The following ETAA1 variants were observed in gnomAD, a reference collection of about 807,000 sequenced individuals.
ETAA1 encodes ewing's tumor-associated antigen 1.
ETAA1 carries 49 observed loss-of-function variants against 76.8 expected under a neutral mutation model. The observed-to-expected ratio is 0.64, with a 90% confidence interval of 0.51 to 0.81. ETAA1 has a LOEUF of 0.81. Ranked by LOEUF, ETAA1 falls within the 30% of genes least tolerant of loss-of-function variation. ETAA1 has a pLI of 0.00. For missense variants in ETAA1, 1,099 were observed against 1,074.0 expected (o/e 1.02, Z -0.32); for synonymous variants, 373 against 372.2 (o/e 1.00, Z -0.03).
At position 67,403,442 on chromosome 2, in the gene ETAA1, C is replaced by T; in HGVS notation, c.760C>T (p.Pro254Ser). 1 of 1,612,610 alleles carries T rather than the reference C, an allele frequency of 6.2e-7. No homozygotes were observed. Among genetic ancestry groups the T allele is most frequent in the Non-Finnish European group, 8.5e-7 (1 of 1,178,966 alleles). The part of the protein sequence containing the change: ...VPEIDNATKK[P>S]IKGNTKISVA... Reference sequence around the variant, plus strand: ...CGAAATAGATAATGCTACAAAAAAGCCAATCAAAGGAAACACCAAGATATC... The same window carrying T: ...CGAAATAGATAATGCTACAAAAAAGTCAATCAAAGGAAACACCAAGATATC... Residue 254 changes from proline to serine, a missense_variant, in exon 5 of 6, where the codon CCA becomes TCA. Pro to Ser is a moderately conservative substitution (Grantham distance 74). Around this residue, in one of 3 missense-constraint regions of ETAA1, gnomAD observed 761 missense variants for 731.9 expected, o/e 1.04. Coordinates refer to ENST00000272342, the MANE Select transcript of ETAA1 (RefSeq NM_019002.4).
In ETAA1 at chr2:67,397,513, C is replaced by T. The variant is rs1675905401; in HGVS notation, c.65C>T (p.Ala22Val). 3 of 1,599,184 alleles carry T rather than the reference C, an allele frequency of 1.9e-6. No homozygotes were observed. The highest frequency in any genetic ancestry group is 2.6e-6 in the Non-Finnish European group (3 of 1,172,924). The change falls in exon 1 of 6, where the codon GCG (alanine) becomes GTG (valine). Residue 22 changes from alanine (A) to valine (V), a missense_variant. Coordinates refer to ENST00000272342, the MANE Select transcript of ETAA1 (RefSeq NM_019002.4). Reference protein sequence around the residue: ...SPKKTPHKTVAAEECGSVVEP... With the variant: ...SPKKTPHKTVVAEECGSVVEP... Reference sequence around the variant, plus strand: ...AAGAAAACGCCGCACAAAACAGTGGCGGCGGAGGAATGCGGCTCGGTGGTC... The same window carrying T: ...AAGAAAACGCCGCACAAAACAGTGGTGGCGGAGGAATGCGGCTCGGTGGTC...
chr2:67,409,681 G>A (rs1490295074), intron 5 of ETAA1, among the ~76,000 whole-genome samples: 2 of 151,944 alleles, frequency 1.3e-5, no homozygotes, highest in African/African-American at 4.8e-5. Flanking sequence ...TTATCACACT[G>A]TGAAAAGAAT....
At chr2:67,397,700 G>C (rs1297698214) in intron 1 of ETAA1, 29 bp downstream of exon 1, 36 of 1,539,694 alleles carry the variant, frequency 2.3e-5, no homozygotes, top group Non-Finnish European at 2.9e-5. Flanking sequence ...GGCCTGCCTT[G>C]GCTTCGGCGC....
At chr2:67,408,065 A>C (rs943743051) in intron 5 of ETAA1, among the ~76,000 whole-genome samples, 2 of 152,120 alleles carry the variant, frequency 1.3e-5, no homozygotes, top group Admixed American at 6.6e-5. Context: ...TTACCTTATC[A>C]ATATTTTCTT....
intron 1 of ETAA1, 31 bp downstream of exon 1, chr2:67,397,702 C>G (rs2103736085): frequency 6.5e-7 from 1 of 1,537,778 alleles, no homozygotes; most frequent in East Asian, 2.4e-5. Flanking sequence ...CCTGCCTTGG[C>G]TTCGGCGCCG....
intron 5 of ETAA1, among the ~76,000 whole-genome samples, chr2:67,406,136 A>C (rs1676213070): frequency 6.6e-6 from 1 of 152,132 alleles, no homozygotes; most frequent in Non-Finnish European, 1.5e-5. Flanking sequence ...CAAACTGTAT[A>C]CTGTGACCAA....
intron 3 of ETAA1, among the ~76,000 whole-genome samples, chr2:67,399,839 T>C (rs183761046): frequency 1.3e-5 from 2 of 152,288 alleles, no homozygotes; most frequent in South Asian, 2.1e-4. Context: ...CTTAAGTATA[T>C]ATCTTGTTTT....
intron 1 of ETAA1, among the ~76,000 whole-genome samples, chr2:67,397,992 G>T (rs1001580768): frequency 2.0e-5 from 3 of 152,198 alleles, no homozygotes; most frequent in Non-Finnish European, 4.4e-5. Flanking sequence ...AGAAGAAACA[G>T]CTGATAGGCC....
chr2:67,405,930 C>T (rs946523116), intron 5 of ETAA1, among the ~76,000 whole-genome samples: 36 of 152,094 alleles, frequency 2.4e-4, no homozygotes, highest in African/African-American at 8.7e-4. Flanking sequence ...TTTCAAAAAC[C>T]GTATCCCCAG....
chr2:67,410,138 A>ACTT lies in ETAA1; in HGVS notation c.*101_*103dup. On this transcript the variant is annotated 3_prime_UTR_variant, in exon 6 of 6. Coordinates refer to ENST00000272342, the MANE Select transcript of ETAA1 (RefSeq NM_019002.4). ...TTTCTCTGTGAGAAATGTAATGCTGACTTTTATAAAGCCTGGACTTCTACT... is the reference window on the plus strand; with the variant it reads ...TTTCTCTGTGAGAAATGTAATGCTGACTTCTTTTATAAAGCCTGGACTTCTACT... 1 of 1,078,302 alleles carries ACTT rather than the reference A, an allele frequency of 9.3e-7. No homozygotes were observed. Among genetic ancestry groups the ACTT allele is most frequent in the Non-Finnish European group, 1.4e-6 (1 of 734,188 alleles). 66.8% of individuals were successfully genotyped at this position (1,078,302 alleles called of 1,614,324 possible). A position where few individuals can be genotyped will look rare whatever the true frequency, so the allele number is the denominator to read the frequency against.
chr2:67,399,238 A>T lies in ETAA1; in HGVS notation c.293A>T (p.Asp98Val). The T allele has an allele frequency of 1.2e-6, 2 of 1,613,580 alleles. No individual in the cohort carries two copies. Among genetic ancestry groups the T allele is most frequent in the Non-Finnish European group, 1.7e-6 (2 of 1,179,630 alleles). Residue 98 changes from aspartate (D) to valine (V), a missense_variant, in exon 2 of 6, where the codon GAT becomes GTT. Around this residue, in one of 3 missense-constraint regions of ETAA1, gnomAD observed 761 missense variants for 731.9 expected, o/e 1.04. Transcript: ENST00000272342. ...SLSSSFSSPN[D>V]PDGQNDIFWD... ...TCATCTTCCTTCAGTTCTCCTAATGATCCAGATGGACAGAATGATATCTTT... is the reference window on the plus strand; with the variant it reads ...TCATCTTCCTTCAGTTCTCCTAATGTTCCAGATGGACAGAATGATATCTTT...
chr2:67,405,398 TTTG>T (rs558651168), intron 5 of ETAA1, 63 bp downstream of exon 5: 1,366 of 1,316,466 alleles, frequency 1.0e-3, no homozygotes, highest in South Asian at 1.6e-3. Context: ...AAAATAATTA[TTTG>T]TTGTTTTTGA....
chr2:67,411,249 T>C lies in ETAA1; in HGVS notation c.*1211T>C, dbSNP rs1039766823. ...GGAGATCTAGAGAAAGTTAGAGATA[T>C]GAAACACCTGTCATGGTGTGGCATT... is the stretch of plus-strand genomic sequence containing the variant. On this transcript the variant is annotated 3_prime_UTR_variant, in exon 6 of 6. Transcript: ENST00000272342. The C allele has an allele frequency of 7.9e-5, 12 of 152,086 alleles. No homozygotes were observed. Among genetic ancestry groups the C allele is most frequent in the Non-Finnish European group, 1.6e-4 (11 of 67,992 alleles). The allele number at this position is 152,086 out of a possible 1,614,324, so 9.4% of individuals were successfully genotyped here.
chr2:67,399,059 A>C (rs962710151), intron 1 of ETAA1, 110 bp from the exon 2 acceptor site: 1 of 1,010,718 alleles, frequency 9.9e-7, no homozygotes, highest in African/African-American at 1.7e-5. Context: ...TGGGAAAAAA[A>C]ATTATCTTGG....
At position 67,405,334 on chromosome 2, in the gene ETAA1, A is replaced by G. The variant is rs769451905; in HGVS notation, c.2652A>G (p.Lys884=). 5.3e-6 allele frequency: 8 copies of G among 1,522,982 alleles called. No homozygotes were observed. The highest frequency in any genetic ancestry group is 7.0e-6 in the Non-Finnish European group (8 of 1,138,484). 94.3% of individuals were successfully genotyped at this position (1,522,982 alleles called of 1,614,324 possible). Residue 884 remains lysine, a splice_region_variant and synonymous_variant, in exon 5 of 6, where the codon AAA becomes AAG. Transcript: ENST00000272342. ...KLSESLKQSS[K]EEEEKNRKCS... is the part of the protein sequence containing the mutation. ...CTGAATCTTTGAAACAATCTTCAAAAGGTATGTATGAAATATGAAATAGTT... is the reference window on the plus strand; with the variant it reads ...CTGAATCTTTGAAACAATCTTCAAAGGGTATGTATGAAATATGAAATAGTT...
intron 3 of ETAA1, 123 bp downstream of exon 3, chr2:67,399,749 A>G: frequency 3.4e-6 from 2 of 587,136 alleles, no homozygotes; most frequent in Non-Finnish European, 5.8e-6. Context: ...ATAAGGCAGC[A>G]AAGATTACTG....
Position 67,404,867 on chromosome 2 carries a change from A to C in ETAA1, c.2185A>C (p.Arg729=). ...AGGGGAAATGTATGGAAATTCTCCA[A>C]GATTTTTAGGTGCCACAAATTTGAC... is the stretch of plus-strand genomic sequence containing the variant. ...EKGEMYGNSP[R]FLGATNLTMY... is the part of the protein sequence containing the mutation. Residue 729 remains arginine (R), a synonymous_variant, in exon 5 of 6, where the codon AGA becomes CGA. Coordinates refer to ENST00000272342, the MANE Select transcript of ETAA1 (RefSeq NM_019002.4). 6.2e-7 allele frequency: 1 copy of C among 1,612,994 alleles called. No individual in the cohort carries two copies. Among genetic ancestry groups the C allele is most frequent in the Non-Finnish European group, 8.5e-7 (1 of 1,179,352 alleles).
At position 67,397,526 on chromosome 2, in the gene ETAA1, C is replaced by A; in HGVS notation, c.78C>A (p.Cys26Ter). 6.3e-7 allele frequency: 1 copy of A among 1,591,038 alleles called. No homozygotes were observed. Among genetic ancestry groups the A allele is most frequent in the Non-Finnish European group, 8.6e-7 (1 of 1,168,938 alleles). The change falls in exon 1 of 6, where the codon TGC (cysteine) becomes TGA (stop). Residue 26 changes from cysteine (C) to a stop codon, truncating the protein, a stop_gained. Coordinates refer to ENST00000272342, the MANE Select transcript of ETAA1 (RefSeq NM_019002.4). LOFTEE classifies it high-confidence loss of function. ...ACAAAACAGTGGCGGCGGAGGAATGCGGCTCGGTGGTCGAGCCAGGGAGGA... is the reference window on the plus strand; with the variant it reads ...ACAAAACAGTGGCGGCGGAGGAATGAGGCTCGGTGGTCGAGCCAGGGAGGA... ...TPHKTVAAEECGSVVEPGRRR... is the reference protein window; with the variant it reads ...TPHKTVAAEE
Position 67,411,027 on chromosome 2 carries a change from T to C in ETAA1, c.*989T>C, listed in dbSNP as rs1043459460. Reference sequence around the variant, plus strand: ...CAGGATATAAAAATGAGAATCTTTTTTCTTTTCAGTTTTTCTGTAACTGTA... The same window carrying C: ...CAGGATATAAAAATGAGAATCTTTTCTCTTTTCAGTTTTTCTGTAACTGTA... On this transcript the variant is annotated 3_prime_UTR_variant, in exon 6 of 6. Transcript: ENST00000272342. The C allele has an allele frequency of 2.6e-5, 4 of 152,044 alleles. No individual in the cohort carries two copies. The highest frequency in any genetic ancestry group is 5.9e-5 in the Non-Finnish European group (4 of 67,974). The allele number at this position is 152,044 out of a possible 1,614,324, so 9.4% of individuals were successfully genotyped here. A position where few individuals can be genotyped will look rare whatever the true frequency, so the allele number is the denominator to read the frequency against.
Sources: gnomAD v4.1 joint callset for allele counts (sites outside exome capture counted in the v4.1 genomes callset) on GRCh38, gnomAD v4.1.1 for gene constraint, gnomAD v4.1.1 regional missense constraint, MANE v1.5 for transcripts, NCBI Gene and HGNC (gene_info 2026-07-23, HGNC 2026-07-21) for gene names.